The following GPHN variants were observed in gnomAD, a reference collection of about 807,000 sequenced individuals.
The protein encoded by GPHN is gephyrin.
Under a neutral mutation model 95.5 loss-of-function variants are expected in GPHN, and 17 were observed. That is an observed-to-expected ratio of 0.18 (90% CI 0.12 to 0.27). The LOEUF (loss-of-function observed/expected upper bound fraction) is 0.27, where lower values mean the gene tolerates loss of function less well. GPHN is among the 10% of genes least tolerant of loss of function. GPHN has a pLI of 1.00. For synonymous variants in GPHN, 320 were observed against 322.5 expected, an observed-to-expected ratio of 0.99 and a Z score of 0.08; for missense variants, 660 against 978.1, an observed-to-expected ratio of 0.67 and a Z score of 4.34.
At chr14:67,525,441 G>A in the GPHN span, among the ~76,000 whole-genome samples, 3 of 152,034 alleles carry the variant, frequency 2.0e-5, no homozygotes, top group African/African-American at 7.3e-5. Flanking sequence ...CCTAATTGAC[G>A]GACATTTCAA....
chr14:67,400,225 C>G, the GPHN span, among the ~76,000 whole-genome samples: 1 of 152,236 alleles, frequency 6.6e-6, no homozygotes, highest in Admixed American at 6.5e-5. Context: ...ACTTATAACA[C>G]AGCTAATCTG....
intron 9 of GPHN, among the ~76,000 whole-genome samples, chr14:66,977,521 A>G (rs956036162): frequency 6.6e-6 from 1 of 152,214 alleles, no homozygotes; most frequent in African/African-American, 2.4e-5. Flanking sequence ...AACTATGTAC[A>G]GGAATTTTTA....
rs181237074 is a variant in GPHN, at chr14:66,539,255, C to G, written c.64+30664C>G. Among the ~76,000 whole-genome samples the G allele has an allele frequency of 7.2e-5, 11 of 152,152 alleles. No individual in the cohort carries two copies. In the East Asian group the frequency reaches 1.9e-3, roughly 27 times the overall value. Reference sequence around the variant, plus strand: ...AGGAAGGCTTTTTTTCTGGTAAGCACTGTAATACTGAGGGAGATTTCACTC... The same window carrying G: ...AGGAAGGCTTTTTTTCTGGTAAGCAGTGTAATACTGAGGGAGATTTCACTC... On this transcript the variant is annotated intron_variant, in intron 1 of 22. Transcript: ENST00000478722.
the GPHN span, among the ~76,000 whole-genome samples, chr14:67,308,730 G>A: frequency 6.6e-6 from 1 of 151,720 alleles, no homozygotes; most frequent in Non-Finnish European, 1.5e-5. Flanking sequence ...TGTGCCACCA[G>A]CTAATTTTGT....
chr14:66,742,242 C>T (rs765138702), intron 2 of GPHN, among the ~76,000 whole-genome samples: 2 of 152,152 alleles, frequency 1.3e-5, no homozygotes, highest in Non-Finnish European at 2.9e-5. Flanking sequence ...ATAATAAATA[C>T]CTCACTTTGG....
the GPHN span, among the ~76,000 whole-genome samples, chr14:67,697,088 C>T: frequency 2.6e-5 from 4 of 152,140 alleles, no homozygotes; most frequent in South Asian, 8.3e-4. Flanking sequence ...ATTTGACAAA[C>T]ATTTATGGCA....
In GPHN at chr14:67,089,325, G is replaced by A. The variant is rs77052154; in HGVS notation, c.1237+250G>A. ...AAAGAAAAGTTACATGAAAATTCTC[G>A]TTTTAAATTTTTTATTTTTAATATT... is the stretch of plus-strand genomic sequence containing the variant. On this transcript the variant is annotated intron_variant, in intron 12 of 22. Transcript: ENST00000478722. Among the ~76,000 whole-genome samples the A allele has an allele frequency of 0.024, 3,573 of 150,896 alleles. 47 individuals carry two copies. The highest frequency in any genetic ancestry group is 0.054 in the Middle Eastern group (16 of 294).
chr14:67,111,689 T>C (rs2078383865), intron 14 of GPHN, among the ~76,000 whole-genome samples, 172 bp from the exon 15 acceptor site: 1 of 152,184 alleles, frequency 6.6e-6, no homozygotes, highest in Non-Finnish European at 1.5e-5. Context: ...CCTTCTAATT[T>C]TTCAGGAACC....
At chr14:67,693,979 A>G in the GPHN span, among the ~76,000 whole-genome samples, 1 of 152,140 alleles carries the variant, frequency 6.6e-6, no homozygotes, top group East Asian at 1.9e-4. Flanking sequence ...GTACTATACT[A>G]TATTGCCTTT....
At chr14:67,116,017 A>G (rs566119319) in intron 16 of GPHN, among the ~76,000 whole-genome samples, 1 of 151,958 alleles carries the variant, frequency 6.6e-6, no homozygotes. Flanking sequence ...TAAAATTTAG[A>G]TATGCAACCT....
the GPHN span, chr14:67,578,321 C>A: frequency 2.3e-6 from 2 of 856,948 alleles, no homozygotes; most frequent in Non-Finnish European, 3.8e-6. This position sits in a 1 kb window ranked among gnomAD's most constrained non-coding sequence, Gnocchi z 5.0. Flanking sequence ...AGCCTCTGTG[C>A]TCCAAGCTGC....
At chr14:67,088,798 A>C (rs550602795) in intron 11 of GPHN, among the ~76,000 whole-genome samples, 185 bp from the exon 12 acceptor site, 1 of 152,296 alleles carries the variant, frequency 6.6e-6, no homozygotes, top group Admixed American at 6.5e-5. Context: ...ACTGAGTATA[A>C]TCTTTTATTT....
intron 3 of GPHN, among the ~76,000 whole-genome samples, chr14:66,797,214 T>C (rs1340077847): frequency 6.6e-6 from 1 of 151,850 alleles, no homozygotes; most frequent in Admixed American, 6.6e-5. Flanking sequence ...GTCAGTATCA[T>C]GATGTTTGGG....
intron 4 of GPHN, among the ~76,000 whole-genome samples, chr14:66,844,957 A>G (rs1043736350): frequency 6.6e-6 from 1 of 152,148 alleles, no homozygotes; most frequent in Non-Finnish European, 1.5e-5. Context: ...GATACCTCAT[A>G]TAAGTGGAAT....
chr14:66,766,936 A>AT (rs1022066057), intron 2 of GPHN, among the ~76,000 whole-genome samples: 69 of 151,988 alleles, frequency 4.5e-4, no homozygotes, highest in African/African-American at 1.6e-3. Context: ...ATTTCCCCCC[A>AT]TTTTTAAAAA....
intron 10 of GPHN, among the ~76,000 whole-genome samples, chr14:67,027,520 A>G (rs1325377565): frequency 6.6e-6 from 1 of 152,022 alleles, no homozygotes; most frequent in Non-Finnish European, 1.5e-5. Flanking sequence ...TAGTAGAGAC[A>G]GGGTTTCACT....
chr14:66,763,632 G>A (rs1317091617), intron 2 of GPHN, among the ~76,000 whole-genome samples: 1 of 151,544 alleles, frequency 6.6e-6, no homozygotes, highest in African/African-American at 2.4e-5. Flanking sequence ...TCTTAATCCA[G>A]TCTATCATTG....
At chr14:67,656,007 A>G in the GPHN span, among the ~76,000 whole-genome samples, 1 of 152,306 alleles carries the variant, frequency 6.6e-6, no homozygotes, top group East Asian at 1.9e-4. Context: ...GCACTTTGGG[A>G]GGCCGGAGCA....
intron 5 of GPHN, among the ~76,000 whole-genome samples, chr14:66,896,204 A>G (rs2064841856): frequency 6.6e-6 from 1 of 152,182 alleles, no homozygotes; most frequent in South Asian, 2.1e-4. Flanking sequence ...GGGGTAAACA[A>G]AAACATTTAG....
Sources: gnomAD v4.1 joint callset for allele counts (sites outside exome capture counted in the v4.1 genomes callset) on GRCh38, gnomAD v4.1.1 for gene constraint, Gnocchi (gnomAD v3.1) non-coding constraint, MANE v1.5 for transcripts, NCBI Gene and HGNC (gene_info 2026-07-23, HGNC 2026-07-21) for gene names.